ACSS3: variants seen among roughly 807,000 people sequenced by gnomAD.
The protein encoded by ACSS3 is acyl-CoA synthetase short chain family member 3, also known as acyl-CoA synthetase short-chain family member 3, mitochondrial.
ACSS3 carries 64 observed loss-of-function variants against 84.2 expected under a neutral mutation model. That is an observed-to-expected ratio of 0.76 (90% CI 0.62 to 0.94). ACSS3 has a LOEUF of 0.94. ACSS3 is among the 40% of genes least tolerant of loss of function. The pLI is 0.00. For synonymous variants in ACSS3, 317 were observed against 310.1 expected, an observed-to-expected ratio of 1.02 and a Z score of -0.23; for missense variants, 815 against 867.6, an observed-to-expected ratio of 0.94 and a Z score of 0.76.
rs938043361 is a variant in ACSS3, at chr12:81,125,030, C to T, written c.457-9786C>T. ...GAGATCGAAACCATCCTGGCTAACA[C>T]GGTGAAACCCTGTCTCTACTAAAAA... On this transcript the variant is annotated intron_variant, in intron 2 of 15. Coordinates refer to ENST00000548058, the MANE Select transcript of ACSS3 (RefSeq NM_024560.4). Among the ~76,000 whole-genome samples, 5 of 152,056 alleles carry T rather than the reference C, an allele frequency of 3.3e-5. No homozygotes were observed. In the South Asian group the frequency reaches 6.2e-4, roughly 19 times the overall value.
At chr12:81,199,652 G>A (rs2135897062) in intron 9 of ACSS3, 1 of 1,481,782 alleles carries the variant, frequency 6.7e-7, no homozygotes, top group Non-Finnish European at 9.0e-7. Context: ...CATTCTCTTG[G>A]TCCCTAGGTA....
chr12:81,146,666 G>A (rs1366138732), intron 5 of ACSS3, among the ~76,000 whole-genome samples: 1 of 152,190 alleles, frequency 6.6e-6, no homozygotes, highest in Non-Finnish European at 1.5e-5. Flanking sequence ...GCAACCACAT[G>A]TGAGCTTCTT....
chr12:81,259,487 T>C lies in ACSS3; in HGVS notation c.*4565T>C. Reference sequence around the variant, plus strand: ...AATGACTTAAGCATTTTATTACAATTTGTAGTAAACTAATCAAATGTAATA... The same window carrying C: ...AATGACTTAAGCATTTTATTACAATCTGTAGTAAACTAATCAAATGTAATA... On this transcript the variant is annotated 3_prime_UTR_variant, in exon 16 of 16. Transcript: ENST00000548058. 1 of 718,388 alleles carries C rather than the reference T, an allele frequency of 1.4e-6. No individual in the cohort carries two copies. The highest frequency in any genetic ancestry group is 1.6e-5 in the South Asian group (1 of 61,254). 44.5% of individuals were successfully genotyped at this position (718,388 alleles called of 1,614,324 possible).
At chr12:81,213,896 TC>T (rs1254917496) in intron 9 of ACSS3, among the ~76,000 whole-genome samples, 1,853 of 91,472 alleles carry the variant, frequency 0.02, 122 homozygotes, top group Non-Finnish European at 0.035. Context: ...TTTCTTTCTT[TC>T]TTTTGTCCTT....
chr12:81,237,024 C>T (rs1454333379), intron 13 of ACSS3, among the ~76,000 whole-genome samples: 2 of 151,448 alleles, frequency 1.3e-5, no homozygotes, highest in Admixed American at 6.6e-5. Flanking sequence ...GCCGTCCTTC[C>T]TGAAGGCTCT....
intron 1 of ACSS3, among the ~76,000 whole-genome samples, chr12:81,083,358 C>CTTTTTTTTTTTT (rs111641450): frequency 7.1e-6 from 1 of 140,304 alleles, no homozygotes; most frequent in Non-Finnish European, 1.5e-5. Context: ...AGCTTTTGGT[C>CTTTTTTTTTTTT]TTTTTTTTTT....
intron 1 of ACSS3, chr12:81,094,304 A>G (rs1348943071): frequency 6.6e-6 from 1 of 152,076 alleles, no homozygotes; most frequent in Non-Finnish European, 1.5e-5. Context: ...GTAAGTTCCC[A>G]CCATCTTTTT....
intron 1 of ACSS3, among the ~76,000 whole-genome samples, chr12:81,081,061 C>T (rs1880940846): frequency 6.6e-6 from 1 of 152,192 alleles, no homozygotes. Flanking sequence ...TGCCCTTCGG[C>T]TTCCCAGAGG....
intron 1 of ACSS3, among the ~76,000 whole-genome samples, chr12:81,104,580 C>T (rs1882812595): frequency 6.6e-6 from 1 of 152,018 alleles, no homozygotes; most frequent in African/African-American, 2.4e-5. Context: ...AAGGTCCTCC[C>T]ACCCAGCCAT....
intron 8 of ACSS3, among the ~76,000 whole-genome samples, chr12:81,175,427 C>G (rs2030400550): frequency 6.6e-6 from 1 of 152,210 alleles, no homozygotes; most frequent in Non-Finnish European, 1.5e-5. Flanking sequence ...TGGGAGACAT[C>G]AGGACCACAC....
chr12:81,116,468 T>C (rs566107087), intron 2 of ACSS3, among the ~76,000 whole-genome samples: 75 of 152,222 alleles, frequency 4.9e-4, no homozygotes, highest in African/African-American at 1.8e-3. Flanking sequence ...AATTATATTG[T>C]CCATGAAATC....
chr12:81,168,046 G>A (rs1887485304), intron 7 of ACSS3, among the ~76,000 whole-genome samples: 1 of 152,178 alleles, frequency 6.6e-6, no homozygotes, highest in Non-Finnish European at 1.5e-5. Flanking sequence ...TATGAAAATG[G>A]TGATTCCATA....
intron 11 of ACSS3, among the ~76,000 whole-genome samples, chr12:81,228,346 C>G (rs545806710): frequency 2.0e-5 from 3 of 151,774 alleles, no homozygotes; most frequent in Non-Finnish European, 4.4e-5. Flanking sequence ...CTTACTCAGA[C>G]CTTTCTTGTA....
intron 13 of ACSS3, among the ~76,000 whole-genome samples, chr12:81,239,153 G>T (rs1022742294): frequency 4.6e-5 from 7 of 151,778 alleles, no homozygotes; most frequent in African/African-American, 1.7e-4. Context: ...CCAATAATTT[G>T]TGATTTTACA....
At chr12:81,143,947 A>G (rs1886207577) in intron 5 of ACSS3, among the ~76,000 whole-genome samples, 1 of 152,210 alleles carries the variant, frequency 6.6e-6, no homozygotes, top group African/African-American at 2.4e-5. Context: ...CCCTTATAAA[A>G]GATAACAGTA....
intron 8 of ACSS3, among the ~76,000 whole-genome samples, chr12:81,195,111 T>C (rs2135883945): frequency 6.6e-6 from 1 of 152,164 alleles, no homozygotes; most frequent in South Asian, 2.1e-4. Context: ...TTAAGACCTG[T>C]AGAATTATTC....
At chr12:81,254,499 T>C (rs1225153369) in intron 15 of ACSS3, among the ~76,000 whole-genome samples, 2 of 152,150 alleles carry the variant, frequency 1.3e-5, no homozygotes, top group African/African-American at 2.4e-5. Context: ...GATATACCTA[T>C]TTTTATCATT....
rs2034931128 is a variant in ACSS3 at position 81,260,205 on chromosome 12, G to A, written c.*5283G>A. On this transcript the variant is annotated 3_prime_UTR_variant, in exon 16 of 16. Coordinates refer to ENST00000548058, the MANE Select transcript of ACSS3 (RefSeq NM_024560.4). Reference sequence around the variant, plus strand: ...AAAGAAACAGCAAGTAGTATGCTCTGGATTATTTTAATATCAAAAGTGTTG... The same window carrying A: ...AAAGAAACAGCAAGTAGTATGCTCTAGATTATTTTAATATCAAAAGTGTTG... The A allele has an allele frequency of 6.6e-6, 1 of 151,996 alleles. No individual in the cohort carries two copies. The highest frequency in any genetic ancestry group is 1.5e-5 in the Non-Finnish European group (1 of 68,016). 9.4% of individuals were successfully genotyped at this position (151,996 alleles called of 1,614,324 possible).
At chr12:81,110,613 G>A (rs1395059822) in intron 2 of ACSS3, among the ~76,000 whole-genome samples, 1 of 152,190 alleles carries the variant, frequency 6.6e-6, no homozygotes, top group Non-Finnish European at 1.5e-5. Context: ...TGATATTTTG[G>A]ATCAGATAAT....
Sources: allele counts gnomAD v4.1 joint callset (sites outside exome capture counted in the v4.1 genomes callset), GRCh38; gene constraint gnomAD v4.1.1; transcripts MANE v1.5; gene names NCBI Gene and HGNC (gene_info 2026-07-23, HGNC 2026-07-21).